Variants in CYB561 observed in about 807,000 individuals in gnomAD.
CYB561 encodes the protein transmembrane ascorbate-dependent reductase CYB561.
In CYB561, 11 loss-of-function variants were observed where a neutral mutation model predicts 25.3. That is an observed-to-expected ratio of 0.44 (90% CI 0.27 to 0.72). The LOEUF is 0.72. CYB561 is among the 30% of genes least tolerant of loss of function. The probability of loss-of-function intolerance (pLI) is 0.18; values close to 1 mark genes in which losing one functional copy is unlikely to be tolerated. For synonymous variants in CYB561, 165 were observed against 158.8 expected (o/e 1.04, Z -0.29); for missense variants, 295 against 334.9 (o/e 0.88, Z 0.93).
At chr17:63,441,560 G>A (rs1193121246) in intron 1 of CYB561, among the ~76,000 whole-genome samples, 1 of 152,222 alleles carries the variant, frequency 6.6e-6, no homozygotes. Context: ...GGTAAGGGTG[G>A]TACAAGTTCA....
chr17:63,435,591 A>T, intron 4 of CYB561, 97 bp downstream of exon 4: 1 of 1,001,328 alleles, frequency 1.0e-6, no homozygotes, highest in Non-Finnish European at 1.6e-6. Flanking sequence ...CACCCCAGAA[A>T]TCAGGCCCTT....
chr17:63,438,050 T>C, intron 1 of CYB561: 1 of 1,335,696 alleles, frequency 7.5e-7, no homozygotes, highest in Non-Finnish European at 9.7e-7. Flanking sequence ...CCCATCGTCC[T>C]GAGGCAGAGG....
chr17:63,439,329 A>G (rs2049351463), intron 1 of CYB561: 1 of 152,174 alleles, frequency 6.6e-6, no homozygotes, highest in African/African-American at 2.4e-5. Flanking sequence ...TGAGGCCAGG[A>G]GTTCAAGACC....
chr17:63,434,631 G>C, intron 5 of CYB561, 37 bp from the exon 6 acceptor site: 1 of 1,574,218 alleles, frequency 6.4e-7, no homozygotes, highest in Non-Finnish European at 8.6e-7. Flanking sequence ...CTGCCCAAGG[G>C]GTCACAATTA....
At chr17:63,437,975 G>GGCCCCC in intron 1 of CYB561, 2 of 89,524 alleles carry the variant, frequency 2.2e-5, no homozygotes, top group South Asian at 1.0e-4. Flanking sequence ...CGGCGGCCCC[G>GGCCCCC]CCACCCTCCC....
rs934020569 is a variant in CYB561, at chr17:63,433,293, TCA to T, written c.*1107_*1108del. Reference sequence around the variant, plus strand: ...GCCTCGCACACGATCAGTGTTCTAATCACACTATTTCCAGGCCGAAGCCAAAT... The same window carrying T: ...GCCTCGCACACGATCAGTGTTCTAATCACTATTTCCAGGCCGAAGCCAAAT... On this transcript the variant is annotated 3_prime_UTR_variant, in exon 6 of 6. Transcript: ENST00000360793. 5 of 397,614 alleles carry T rather than the reference TCA, an allele frequency of 1.3e-5. No homozygotes were observed. Among genetic ancestry groups the T allele is most frequent in the Non-Finnish European group, 1.8e-5 (4 of 226,064 alleles). 24.6% of individuals were successfully genotyped at this position (397,614 alleles called of 1,614,324 possible). A position where few individuals can be genotyped will look rare whatever the true frequency, so the allele number is the denominator to read the frequency against.
At chr17:63,438,709 C>T (rs2049343628) in intron 1 of CYB561, among the ~76,000 whole-genome samples, 1 of 152,164 alleles carries the variant, frequency 6.6e-6, no homozygotes, top group South Asian at 2.1e-4. Context: ...CCCCACGTGG[C>T]CCTCCAGGAG....
intron 1 of CYB561, among the ~76,000 whole-genome samples, chr17:63,445,257 G>A (rs1365794985): frequency 6.6e-6 from 1 of 152,104 alleles, no homozygotes; most frequent in Non-Finnish European, 1.5e-5. Context: ...AAGCAGGGTG[G>A]TTCCACCTCC....
At chr17:63,440,222 C>G in intron 1 of CYB561, 1 of 398,798 alleles carries the variant, frequency 2.5e-6, no homozygotes, top group Non-Finnish European at 4.4e-6. Context: ...TCAAACCCAG[C>G]TCGTCCCAAG....
chr17:63,438,046 G>A lies in CYB561; in HGVS notation c.-13-486C>T, dbSNP rs1164988968. On this transcript the variant is annotated intron_variant, in intron 1 of 5. Transcript: ENST00000360793. ...ACCCGCAAGCCCCTTCCCACCCATCGTCCTGAGGCAGAGGTCTCAAGTCTC... is the reference window on the plus strand; with the variant it reads ...ACCCGCAAGCCCCTTCCCACCCATCATCCTGAGGCAGAGGTCTCAAGTCTC... The A allele has an allele frequency of 4.6e-6, 6 of 1,305,690 alleles. No individual in the cohort carries two copies. The African/African-American group carries it at 8.7e-5, about 19-fold the overall frequency. 80.9% of individuals were successfully genotyped at this position (1,305,690 alleles called of 1,614,324 possible).
chr17:63,446,468 C>G (rs564239708), upstream of CYB561: 2 of 152,140 alleles, frequency 1.3e-5, no homozygotes, highest in South Asian at 4.1e-4. Flanking sequence ...GCTCCGGGCC[C>G]GCACGTGGGC....
intron 5 of CYB561, 52 bp downstream of exon 5, chr17:63,435,034 G>C: frequency 6.4e-7 from 1 of 1,552,004 alleles, no homozygotes. Flanking sequence ...GGCAGGGTGA[G>C]GTCTGTGCAA....
At chr17:63,435,558 AAGGCAGCTCTCTC>A in intron 4 of CYB561, 117 bp downstream of exon 4, 1 of 828,248 alleles carries the variant, frequency 1.2e-6, no homozygotes, top group Non-Finnish European at 2.0e-6. Context: ...CAGGCCTGGG[AAGGCAGCTCTCTC>A]ACCTGCACAC....
In CYB561 at chr17:63,433,123, C is replaced by T. The variant is rs1002147798; in HGVS notation, c.*1279G>A. On this transcript the variant is annotated 3_prime_UTR_variant, in exon 6 of 6. Coordinates refer to ENST00000360793, the MANE Select transcript of CYB561 (RefSeq NM_001915.4). Reference sequence around the variant, plus strand: ...TCTCAGCTCACTGCAAGCGCCATCTCCCGGGTTCACACCATTCTCCTGCCT... The same window carrying T: ...TCTCAGCTCACTGCAAGCGCCATCTTCCGGGTTCACACCATTCTCCTGCCT... 3 of 337,434 alleles carry T rather than the reference C, an allele frequency of 8.9e-6. No homozygotes were observed. Among genetic ancestry groups the T allele is most frequent in the East Asian group, 4.5e-5 (1 of 22,062 alleles). The allele number at this position is 337,434 out of a possible 1,614,324, so 20.9% of individuals were successfully genotyped here.
Position 63,433,706 on chromosome 17 carries a change from C to T in CYB561, c.*696G>A, listed in dbSNP as rs2049260137. On this transcript the variant is annotated 3_prime_UTR_variant, in exon 6 of 6. Transcript: ENST00000360793. Reference sequence around the variant, plus strand: ...ATGTCTGGAGCAGCCTGGGAGGAGGCCCGCCTGCATCTGCCAAGAGAAAGT... The same window carrying T: ...ATGTCTGGAGCAGCCTGGGAGGAGGTCCGCCTGCATCTGCCAAGAGAAAGT... 3.4e-6 allele frequency: 1 copy of T among 297,110 alleles called. No homozygotes were observed. The highest frequency in any genetic ancestry group is 2.2e-5 in the African/African-American group (1 of 46,386). The allele number at this position is 297,110 out of a possible 1,614,324, so 18.4% of individuals were successfully genotyped here. A position where few individuals can be genotyped will look rare whatever the true frequency, so the allele number is the denominator to read the frequency against.
In CYB561 at chr17:63,437,577, A is replaced by G. The variant is rs1157825647; in HGVS notation, c.-13-17T>C. On this transcript the variant is annotated splice_polypyrimidine_tract_variant and intron_variant, in intron 1 of 5. Coordinates refer to ENST00000360793, the MANE Select transcript of CYB561 (RefSeq NM_001915.4). ...AGGCAAACGCTGCAAGAAAGAGCAGAGCTCAGAGGAGCAGCGCACAGCACC... is the reference window on the plus strand; with the variant it reads ...AGGCAAACGCTGCAAGAAAGAGCAGGGCTCAGAGGAGCAGCGCACAGCACC... 1 of 1,591,136 alleles carries G rather than the reference A, an allele frequency of 6.3e-7. No individual in the cohort carries two copies. Among genetic ancestry groups the G allele is most frequent in the Non-Finnish European group, 8.5e-7 (1 of 1,174,526 alleles).
rs771501055 is a variant in CYB561 at position 63,434,449 on chromosome 17, T to C, written c.709A>G (p.Met237Val). Residue 237 changes from methionine (M) to valine (V), a missense_variant, in exon 6 of 6, where the codon ATG becomes GTG. Transcript: ENST00000360793. Reference sequence around the variant, plus strand: ...CCCTCCGTCAGCGTCTTGAAGTCCATGGAGAGGGCCTGCTCTTCCGCCTGG... The same window carrying C: ...CCCTCCGTCAGCGTCTTGAAGTCCACGGAGAGGGCCTGCTCTTCCGCCTGG... ...PSQAEEQALS[M>V]DFKTLTEGDS... 1.2e-6 allele frequency: 2 copies of C among 1,600,710 alleles called. No individual in the cohort carries two copies. The highest frequency in any genetic ancestry group is 2.3e-5 in the East Asian group (1 of 44,162).
chr17:63,434,629 G>A (rs755529633), intron 5 of CYB561, 35 bp from the exon 6 acceptor site: 1 of 1,579,902 alleles, frequency 6.3e-7, no homozygotes, highest in South Asian at 1.1e-5. Context: ...AGCTGCCCAA[G>A]GGGTCACAAT....
chr17:63,436,045 G>A lies in CYB561; in HGVS notation c.301+9C>T. 6.2e-7 allele frequency: 1 copy of A among 1,614,052 alleles called. No individual in the cohort carries two copies. Among genetic ancestry groups the A allele is most frequent in the East Asian group, 2.2e-5 (1 of 44,880 alleles). ...CAGGTGGCGGGGAAGGCCGCGCCCG[G>A]GAACTCACCAACCAGGGCGATGACG... On this transcript the variant is annotated intron_variant, in intron 3 of 5. Coordinates refer to ENST00000360793, the MANE Select transcript of CYB561 (RefSeq NM_001915.4). The surrounding 1 kb of genome is among the most constrained non-coding windows in gnomAD (Gnocchi z 4.8).
Sources: gnomAD v4.1 joint callset for allele counts (sites outside exome capture counted in the v4.1 genomes callset) on GRCh38, gnomAD v4.1.1 for gene constraint, Gnocchi (gnomAD v3.1) non-coding constraint, MANE v1.5 for transcripts, NCBI Gene and HGNC (gene_info 2026-07-23, HGNC 2026-07-21) for gene names.